Variants in CERS6 observed in about 807,000 individuals in gnomAD.
CERS6 encodes ceramide synthase 6.
Under a neutral mutation model 56.8 loss-of-function variants are expected in CERS6, and 26 were observed. The ratio of observed to expected loss-of-function variants is 0.46; its 90% CI spans 0.34 to 0.63. CERS6 has a LOEUF of 0.63. Among genes scored for constraint, CERS6 ranks in the 30% least tolerant of loss-of-function variants. CERS6 has a pLI of 0.01. For synonymous variants in CERS6, 164 were observed against 173.3 expected (o/e 0.95, Z 0.42); for missense variants, 415 against 467.5 (o/e 0.89, Z 1.04).
At chr2:168,556,582 G>C (rs56080640) in intron 2 of CERS6, among the ~76,000 whole-genome samples, 15,231 of 152,104 alleles carry the variant, frequency 0.1, 1,272 homozygotes, top group African/African-American at 0.23. Context: ...ATAAAAATTG[G>C]AAAGTAGGTG....
chr2:168,747,415 A>T (rs1418316072), intron 8 of CERS6, among the ~76,000 whole-genome samples: 2 of 152,088 alleles, frequency 1.3e-5, no homozygotes, highest in Non-Finnish European at 2.9e-5. Context: ...ATGGATTTTT[A>T]ATCATTTTTT....
chr2:168,743,995 C>CTTTTTT (rs58256507), intron 8 of CERS6, among the ~76,000 whole-genome samples: 5 of 63,418 alleles, frequency 7.9e-5, no homozygotes, highest in African/African-American at 2.1e-4. Context: ...TCTTTTTTTT[C>CTTTTTT]TTTTTTTTTT....
chr2:168,528,827 C>T (rs866869162), intron 1 of CERS6, among the ~76,000 whole-genome samples: 5 of 152,304 alleles, frequency 3.3e-5, no homozygotes, highest in South Asian at 4.1e-4. Context: ...GTTTCCTCAC[C>T]TTTAAATCTT....
intron 4 of CERS6, chr2:168,644,059 G>A (rs1485137505): frequency 7.1e-6 from 7 of 981,950 alleles, no homozygotes; most frequent in Non-Finnish European, 8.5e-6. Context: ...AAATCTTTCT[G>A]TGGAAAGGTC....
In CERS6 at chr2:168,770,126, CT is replaced by C. The variant is rs1164757539; in HGVS notation, c.*467del. 1.2e-5 allele frequency: 2 copies of C among 162,602 alleles called. No individual in the cohort carries two copies. The highest frequency in any genetic ancestry group is 2.6e-5 in the Non-Finnish European group (2 of 75,606). 10.1% of individuals were successfully genotyped at this position (162,602 alleles called of 1,614,324 possible). A position where few individuals can be genotyped will look rare whatever the true frequency, so the allele number is the denominator to read the frequency against. The stretch of plus-strand genomic sequence containing the variant: ...TCTCGTTCAGCTCTAAATAGGTTTG[CT>C]TTCTTTTAGTTACAGTGCCCATTTT... On this transcript the variant is annotated 3_prime_UTR_variant, in exon 10 of 10. Coordinates refer to ENST00000305747, the MANE Select transcript of CERS6 (RefSeq NM_203463.3).
At chr2:168,764,761 A>G (rs1042660431) in intron 8 of CERS6, among the ~76,000 whole-genome samples, 18 of 152,226 alleles carry the variant, frequency 1.2e-4, no homozygotes, top group African/African-American at 3.9e-4. Flanking sequence ...CAAAGATCAT[A>G]CAGGCCTTTT....
At chr2:168,477,198 AGAGAG>A (rs1694091063) in intron 1 of CERS6, among the ~76,000 whole-genome samples, 1 of 150,336 alleles carries the variant, frequency 6.7e-6, no homozygotes, top group African/African-American at 2.5e-5. Context: ...AGAGAGAGAG[AGAGAG>A]AGAGAGAGAG....
At position 168,609,474 on chromosome 2, in the gene CERS6, C is replaced by G. The variant is rs1428606734; in HGVS notation, c.408-21511C>G. 2.6e-5 allele frequency among the ~76,000 whole-genome samples: 4 copies of G among 152,236 alleles called. No homozygotes were observed. The East Asian group carries it at 5.8e-4, about 22-fold the overall frequency. On this transcript the variant is annotated intron_variant, in intron 3 of 9. Transcript: ENST00000305747. ...TATAGTTCATTCTTGATAAATGTTTCATAATGTCAAGAATCTTTTCGCTCC... is the reference window on the plus strand; with the variant it reads ...TATAGTTCATTCTTGATAAATGTTTGATAATGTCAAGAATCTTTTCGCTCC...
At chr2:168,767,291 A>G (rs1471340234) in intron 9 of CERS6, among the ~76,000 whole-genome samples, 1 of 152,210 alleles carries the variant, frequency 6.6e-6, no homozygotes, top group African/African-American at 2.4e-5. Flanking sequence ...CCTCTGGGCT[A>G]TTTTGAGATA....
rs1483759854 is a variant in CERS6, at chr2:168,746,800, TATATATATATATATATATATAA to T, written c.846-18790_846-18769del. On this transcript the variant is annotated intron_variant, in intron 8 of 9. Coordinates refer to ENST00000305747, the MANE Select transcript of CERS6 (RefSeq NM_203463.3). ...GTATATATATATATATATATATATA[TATATATATATATATATATATAA>T]AATCATCTTTGAAAAAATGATTATA... Among the ~76,000 whole-genome samples the T allele has an allele frequency of 6.8e-3, 741 of 109,130 alleles. 9 individuals carry two copies. Among genetic ancestry groups the T allele is most frequent in the African/African-American group, 0.025 (680 of 27,244 alleles). The allele number at this position is 109,130 out of a possible 152,430, so 71.6% of individuals were successfully genotyped here.
At chr2:168,532,767 A>C (rs1282153151) in intron 1 of CERS6, among the ~76,000 whole-genome samples, 2 of 152,214 alleles carry the variant, frequency 1.3e-5, no homozygotes, top group African/African-American at 2.4e-5. Flanking sequence ...ACAGAAAAAC[A>C]TTTTTTAAAG....
chr2:168,556,187 A>G (rs1321873005), intron 2 of CERS6, among the ~76,000 whole-genome samples: 1 of 152,004 alleles, frequency 6.6e-6, no homozygotes, highest in Non-Finnish European at 1.5e-5. Context: ...CATTAACATC[A>G]ATGCCTGACA....
In CERS6 at chr2:168,725,167, C is replaced by T. The variant is rs543583961; in HGVS notation, c.845+7189C>T. Among the ~76,000 whole-genome samples, 1,104 of 152,350 alleles carry T rather than the reference C, an allele frequency of 7.2e-3. 15 individuals carry two copies. Among genetic ancestry groups the T allele is most frequent in the African/African-American group, 0.025 (1,046 of 41,578 alleles). On this transcript the variant is annotated intron_variant, in intron 8 of 9. Coordinates refer to ENST00000305747, the MANE Select transcript of CERS6 (RefSeq NM_203463.3). ...TGCTAAGCCCCTCATTGCCCAGGGC[C>T]GGCAGGGCCGGCCGGCTGCTTCAAG...
At chr2:168,748,130 G>A (rs903681094) in intron 8 of CERS6, among the ~76,000 whole-genome samples, 2 of 152,208 alleles carry the variant, frequency 1.3e-5, no homozygotes, top group Non-Finnish European at 2.9e-5. Context: ...CTTCTGACAA[G>A]GAGCTAGGCC....
intron 8 of CERS6, among the ~76,000 whole-genome samples, chr2:168,761,912 A>G (rs1273851364): frequency 6.6e-6 from 1 of 152,164 alleles, no homozygotes; most frequent in Non-Finnish European, 1.5e-5. Context: ...ATTTCTGGAA[A>G]ACCAAGCACC....
intron 4 of CERS6, among the ~76,000 whole-genome samples, chr2:168,631,927 C>T (rs1684756448): frequency 7.0e-6 from 1 of 143,562 alleles, no homozygotes; most frequent in African/African-American, 2.6e-5. Context: ...CTCTCTCTCT[C>T]TCGCCTAGTT....
At chr2:168,531,027 T>G (rs1695157199) in intron 1 of CERS6, among the ~76,000 whole-genome samples, 1 of 152,092 alleles carries the variant, frequency 6.6e-6, no homozygotes, top group African/African-American at 2.4e-5. Context: ...TGAAGATAGA[T>G]TCAGAAAACA....
chr2:168,464,303 T>A (rs1256573738), intron 1 of CERS6, among the ~76,000 whole-genome samples: 1 of 150,908 alleles, frequency 6.6e-6, no homozygotes, highest in Non-Finnish European at 1.5e-5. Context: ...GTGATTCTCA[T>A]GCCTCAGCCC....
Position 168,468,668 on chromosome 2 carries a change from C to T in CERS6, c.170+12050C>T, listed in dbSNP as rs113958468. ...ATTTTCAGAAATGGGACTTCACTGG[C>T]CTTACCTTTACATCATAGACATTTA... On this transcript the variant is annotated intron_variant, in intron 1 of 9. Transcript: ENST00000305747. Among the ~76,000 whole-genome samples the T allele has an allele frequency of 3.7e-3, 560 of 152,320 alleles. 8 individuals carry two copies. The highest frequency in any genetic ancestry group is 0.013 in the African/African-American group (540 of 41,560).
Sources: allele counts gnomAD v4.1 joint callset (sites outside exome capture counted in the v4.1 genomes callset), GRCh38; gene constraint gnomAD v4.1.1; transcripts MANE v1.5; gene names NCBI Gene and HGNC (gene_info 2026-07-23, HGNC 2026-07-21).